Variants in ATXN7L1 observed in about 807,000 individuals in gnomAD.
The protein encoded by ATXN7L1 is ataxin-7-like protein 1.
In ATXN7L1, 15 loss-of-function variants were observed where a neutral mutation model predicts 70.8. That is an observed-to-expected ratio of 0.21 (90% confidence interval 0.14 to 0.33). The LOEUF (loss-of-function observed/expected upper bound fraction) is 0.33, where lower values mean the gene tolerates loss of function less well. Among genes scored for constraint, ATXN7L1 ranks in the 10% least tolerant of loss-of-function variants. ATXN7L1 has a pLI of 1.00. For synonymous variants in ATXN7L1, 440 were observed against 445.1 expected (o/e 0.99, Z 0.14); for missense variants, 975 against 1,097.1 (o/e 0.89, Z 1.57).
chr7:105,676,054 C>T (rs1040598681), intron 3 of ATXN7L1, among the ~76,000 whole-genome samples: 4 of 152,112 alleles, frequency 2.6e-5, no homozygotes, highest in South Asian at 2.1e-4. Flanking sequence ...GATCCTGGCT[C>T]GCTGCCACAG....
intron 2 of ATXN7L1, among the ~76,000 whole-genome samples, chr7:105,874,273 C>T (rs1818708076): frequency 6.6e-6 from 1 of 152,072 alleles, no homozygotes; most frequent in African/African-American, 2.4e-5. Context: ...TGAGAGGTGA[C>T]AATCCTGTGC....
intron 3 of ATXN7L1, among the ~76,000 whole-genome samples, chr7:105,712,228 G>C (rs1449416747): frequency 1.3e-5 from 2 of 152,202 alleles, no homozygotes; most frequent in Non-Finnish European, 2.9e-5. Context: ...TTTCCTCCTA[G>C]GCCTCTGGGC....
chr7:105,745,514 A>G (rs1362828041), intron 3 of ATXN7L1, among the ~76,000 whole-genome samples: 2 of 152,238 alleles, frequency 1.3e-5, no homozygotes, highest in Non-Finnish European at 2.9e-5. Context: ...GAGACCACAT[A>G]ATTTGAAACT....
chr7:105,853,866 G>A (rs1322438486), intron 2 of ATXN7L1, among the ~76,000 whole-genome samples: 2 of 152,194 alleles, frequency 1.3e-5, no homozygotes, highest in Non-Finnish European at 2.9e-5. Context: ...GCACCTGGCT[G>A]TACCTCTCTC....
chr7:105,856,843 G>A (rs571036671), intron 2 of ATXN7L1, among the ~76,000 whole-genome samples: 19 of 151,728 alleles, frequency 1.3e-4, no homozygotes, highest in East Asian at 1.2e-3. Context: ...GAGAGAGAGA[G>A]AAAATAACTC....
chr7:105,842,475 T>C lies in ATXN7L1; in HGVS notation c.250+33337A>G, dbSNP rs1400360412. On this transcript the variant is annotated intron_variant, in intron 2 of 11. Transcript: ENST00000419735. ...CATGGAATCATCCAATATATGGTCCTTTGCTTCTTTCTTTCACTTAACATA... is the reference window on the plus strand; with the variant it reads ...CATGGAATCATCCAATATATGGTCCCTTGCTTCTTTCTTTCACTTAACATA... Among the ~76,000 whole-genome samples the C allele has an allele frequency of 2.0e-5, 3 of 152,238 alleles. No homozygotes were observed. In the East Asian group the frequency reaches 5.8e-4, roughly 29 times the overall value.
chr7:105,845,076 G>A (rs1197213977), intron 2 of ATXN7L1, among the ~76,000 whole-genome samples: 1 of 151,698 alleles, frequency 6.6e-6, no homozygotes, highest in East Asian at 1.9e-4. Context: ...ATCGTGGCGG[G>A]TGCCTGTAAT....
intron 3 of ATXN7L1, among the ~76,000 whole-genome samples, chr7:105,713,596 G>A (rs550854755): frequency 1.3e-5 from 2 of 152,350 alleles, no homozygotes; most frequent in East Asian, 1.9e-4. Flanking sequence ...CAGGGCCTGA[G>A]GCCCTTAAAC....
chr7:105,801,918 A>T (rs1359408882), intron 2 of ATXN7L1, among the ~76,000 whole-genome samples: 10 of 152,184 alleles, frequency 6.6e-5, no homozygotes, highest in Admixed American at 2.6e-4. Flanking sequence ...GTTCTCATTC[A>T]TAATAAAATT....
At chr7:105,761,234 T>C (rs1460607785) in intron 3 of ATXN7L1, 1 of 1,487,220 alleles carries the variant, frequency 6.7e-7, no homozygotes, top group East Asian at 2.4e-5. Context: ...GACACCAGAG[T>C]GTGCTCACGA....
chr7:105,659,313 G>T (rs1001903082), intron 4 of ATXN7L1, among the ~76,000 whole-genome samples: 1 of 152,122 alleles, frequency 6.6e-6, no homozygotes, highest in African/African-American at 2.4e-5. Flanking sequence ...CCCTTTCAAT[G>T]GTCACATCCA....
intron 3 of ATXN7L1, among the ~76,000 whole-genome samples, chr7:105,733,654 C>T (rs796708061): frequency 6.1e-5 from 6 of 97,822 alleles, no homozygotes; most frequent in Admixed American, 9.8e-5. Context: ...ATCCATCCAT[C>T]CATCCATCCA....
chr7:105,804,164 G>A (rs1271786974), intron 2 of ATXN7L1, among the ~76,000 whole-genome samples: 1 of 152,206 alleles, frequency 6.6e-6, no homozygotes, highest in Non-Finnish European at 1.5e-5. Flanking sequence ...TGGATGCCCT[G>A]TCAGGTCCCT....
intron 3 of ATXN7L1, among the ~76,000 whole-genome samples, chr7:105,716,686 C>CAGT (rs1794592828): frequency 3.6e-5 from 3 of 82,510 alleles, no homozygotes; most frequent in Admixed American, 1.0e-4. Flanking sequence ...CACACACACA[C>CAGT]ACACACACAC....
intron 11 of ATXN7L1, among the ~76,000 whole-genome samples, chr7:105,608,411 C>T (rs139282904): frequency 4.6e-5 from 7 of 152,252 alleles, no homozygotes; most frequent in East Asian, 1.9e-4. Flanking sequence ...ATGTGTGTAG[C>T]GTGTGTAAAG....
chr7:105,644,037 G>A (rs1798641123), intron 4 of ATXN7L1, among the ~76,000 whole-genome samples: 1 of 152,196 alleles, frequency 6.6e-6, no homozygotes. Flanking sequence ...CAGGAGGGAA[G>A]AATGCTAACA....
In ATXN7L1 at chr7:105,715,041, T is replaced by C. The variant is rs1446950230; in HGVS notation, c.356-49753A>G. ...GAGGGTGCGTGTGTGGTGTCTAGGATCCAAGGCTGTCCATGTCACCCATGG... is the reference window on the plus strand; with the variant it reads ...GAGGGTGCGTGTGTGGTGTCTAGGACCCAAGGCTGTCCATGTCACCCATGG... On this transcript the variant is annotated intron_variant, in intron 3 of 11. Transcript: ENST00000419735. 3.3e-5 allele frequency among the ~76,000 whole-genome samples: 5 copies of C among 152,248 alleles called. No individual in the cohort carries two copies. In the East Asian group the frequency reaches 7.7e-4, roughly 24 times the overall value.
chr7:105,775,985 G>C (rs191456225), intron 3 of ATXN7L1, among the ~76,000 whole-genome samples: 3 of 152,140 alleles, frequency 2.0e-5, no homozygotes, highest in African/African-American at 7.2e-5. Flanking sequence ...CTTGTTCTTC[G>C]TATGGGCTCA....
chr7:105,754,225 G>A (rs933115949), intron 3 of ATXN7L1, among the ~76,000 whole-genome samples: 8 of 152,082 alleles, frequency 5.3e-5, no homozygotes, highest in Admixed American at 6.6e-5. Flanking sequence ...GGCTTCAGAC[G>A]GGAAAACACT....
Sources: gnomAD v4.1 joint callset for allele counts (sites outside exome capture counted in the v4.1 genomes callset) on GRCh38, gnomAD v4.1.1 for gene constraint, MANE v1.5 for transcripts, NCBI Gene and HGNC (gene_info 2026-07-23, HGNC 2026-07-21) for gene names.